Variants in PTPRZ1 observed in about 807,000 individuals in gnomAD.
PTPRZ1 encodes the protein protein tyrosine phosphatase receptor type Z1, also known as receptor-type tyrosine-protein phosphatase zeta.
A neutral mutation model predicts 214.1 loss-of-function variants in PTPRZ1; 82 were observed. The observed-to-expected ratio is 0.38, with a 90% CI of 0.32 to 0.46. The LOEUF (loss-of-function observed/expected upper bound fraction) is 0.46. PTPRZ1 is among the 20% of genes least tolerant of loss of function. The pLI is 1.00. For synonymous variants in PTPRZ1, 945 were observed against 987.9 expected (o/e 0.96, Z 0.81); for missense variants, 2,603 against 2,748.7 (o/e 0.95, Z 1.19).
At chr7:121,992,607 G>GT (rs546084891) in intron 8 of PTPRZ1, among the ~76,000 whole-genome samples, 15 of 152,120 alleles carry the variant, frequency 9.9e-5, no homozygotes, top group Non-Finnish European at 1.9e-4. Flanking sequence ...TTTTTCATAA[G>GT]TTTTTTATAC....
intron 28 of PTPRZ1, 116 bp from the exon 29 acceptor site, chr7:122,059,637 T>G (rs1390219875): frequency 8.5e-7 from 1 of 1,169,702 alleles, no homozygotes; most frequent in African/African-American, 1.5e-5. Context: ...GACAATTCAT[T>G]AAAAGTTTCA....
At chr7:122,059,940 T>G in intron 29 of PTPRZ1, 52 bp downstream of exon 29, 1 of 1,546,900 alleles carries the variant, frequency 6.5e-7, no homozygotes, top group South Asian at 1.2e-5. Context: ...TACAACTAAC[T>G]TCCTAGAGGC....
intron 2 of PTPRZ1, among the ~76,000 whole-genome samples, chr7:121,962,815 C>T (rs1297768426): frequency 3.3e-5 from 5 of 151,908 alleles, no homozygotes; most frequent in Admixed American, 2.0e-4. Context: ...CCGCCCACCT[C>T]GGCCTCCCAA....
In PTPRZ1 at chr7:121,968,147, C is replaced by A. The variant is rs775193725; in HGVS notation, c.304+17C>A. The A allele has an allele frequency of 6.3e-7, 1 of 1,575,714 alleles. No homozygotes were observed. The highest frequency in any genetic ancestry group is 8.6e-7 in the Non-Finnish European group (1 of 1,161,828). ...GGAAAACAGGTAAAATATTTGCATT[C>A]TGTTTGCCTTTAATATATTTTTCAG... is the stretch of plus-strand genomic sequence containing the variant. On this transcript the variant is annotated intron_variant, in intron 3 of 29. Coordinates refer to ENST00000393386, the MANE Select transcript of PTPRZ1 (RefSeq NM_002851.3).
chr7:121,972,519 G>A (rs1480725682), intron 3 of PTPRZ1, 22 bp from the exon 4 acceptor site: 4 of 1,582,284 alleles, frequency 2.5e-6, no homozygotes, highest in Non-Finnish European at 3.4e-6. Flanking sequence ...AAGCTTAGGT[G>A]CAATTGTATT....
intron 10 of PTPRZ1, among the ~76,000 whole-genome samples, chr7:122,002,253 T>G (rs1468811156): frequency 6.6e-6 from 1 of 152,212 alleles, no homozygotes; most frequent in Non-Finnish European, 1.5e-5. Flanking sequence ...TCAGTTCAAA[T>G]GATCTCAGTC....
chr7:121,997,371 T>C (rs1798174827), intron 9 of PTPRZ1, among the ~76,000 whole-genome samples: 1 of 152,190 alleles, frequency 6.6e-6, no homozygotes. Flanking sequence ...ACCTTTTAAT[T>C]CAGTTGCCTG....
At chr7:121,884,865 A>T (rs1794351756) in intron 1 of PTPRZ1, among the ~76,000 whole-genome samples, 1 of 152,180 alleles carries the variant, frequency 6.6e-6, no homozygotes, top group Non-Finnish European at 1.5e-5. Context: ...TCATTTTTTT[A>T]AAAAAGTCTC....
chr7:122,046,880 A>C (rs1792004598), intron 23 of PTPRZ1, among the ~76,000 whole-genome samples: 1 of 152,200 alleles, frequency 6.6e-6, no homozygotes, highest in African/African-American at 2.4e-5. Context: ...TGGTTCCTTG[A>C]AGCCTCGGAA....
At chr7:122,053,774 A>G (rs925030327) in intron 25 of PTPRZ1, 136 bp from the exon 26 acceptor site, 2 of 1,069,300 alleles carry the variant, frequency 1.9e-6, no homozygotes, top group African/African-American at 3.2e-5. Flanking sequence ...GGCTATAATA[A>G]TCATATTACT....
intron 1 of PTPRZ1, among the ~76,000 whole-genome samples, chr7:121,897,418 T>C (rs933874590): frequency 1.3e-5 from 2 of 152,332 alleles, no homozygotes; most frequent in Admixed American, 6.5e-5. Flanking sequence ...ATCTCAAGTT[T>C]TTTACATTGA....
At position 122,059,857 on chromosome 7, in the gene PTPRZ1, A is replaced by G; in HGVS notation, c.6776A>G (p.Asn2259Ser). Residue 2259 changes from asparagine (N) to serine (S), a missense_variant, in exon 29 of 30, where the codon AAT (asparagine) becomes AGT (serine). Transcript: ENST00000393386. ...VDVYQVAKMI[N>S]LMRPGVFADI... ...GTTTACCAGGTAGCCAAGATGATCAATCTGATGAGGCCAGGAGTCTTTGCT... is the reference window on the plus strand; with the variant it reads ...GTTTACCAGGTAGCCAAGATGATCAGTCTGATGAGGCCAGGAGTCTTTGCT... The G allele has an allele frequency of 1.2e-6, 2 of 1,613,764 alleles. No individual in the cohort carries two copies. Among genetic ancestry groups the G allele is most frequent in the South Asian group, 1.1e-5 (1 of 91,068 alleles).
At chr7:121,915,961 C>G (rs183821380) in intron 1 of PTPRZ1, among the ~76,000 whole-genome samples, 1 of 152,220 alleles carries the variant, frequency 6.6e-6, no homozygotes, top group African/African-American at 2.4e-5. Context: ...TGCAATAATG[C>G]TACCTGTGGT....
rs1053609203 is a variant in PTPRZ1, at chr7:121,952,284, GT to G, written c.125-15659del. Among the ~76,000 whole-genome samples the G allele has an allele frequency of 3.3e-5, 5 of 151,704 alleles. No individual in the cohort carries two copies. The East Asian group carries it at 7.7e-4, about 23-fold the overall frequency. The stretch of plus-strand genomic sequence containing the variant: ...GTGTTTTTTTTTTTGTTTGTTTTTG[GT>G]TTTTTTTAGCATAATAAAGACTTGA... On this transcript the variant is annotated intron_variant, in intron 2 of 29. Coordinates refer to ENST00000393386, the MANE Select transcript of PTPRZ1 (RefSeq NM_002851.3).
intron 2 of PTPRZ1, among the ~76,000 whole-genome samples, chr7:121,966,016 G>C (rs1164015376): frequency 2.1e-4 from 32 of 152,152 alleles, no homozygotes. Context: ...ACTTGGGTTA[G>C]GGTGGTAATA....
intron 8 of PTPRZ1, among the ~76,000 whole-genome samples, chr7:121,988,276 T>C (rs1411899213): frequency 6.6e-6 from 1 of 152,232 alleles, no homozygotes; most frequent in African/African-American, 2.4e-5. Context: ...ACTTTTTTTT[T>C]CTGGTTACAT....
chr7:122,021,322 A>T (rs915788195), intron 13 of PTPRZ1, among the ~76,000 whole-genome samples: 6 of 152,172 alleles, frequency 3.9e-5, no homozygotes, highest in Non-Finnish European at 8.8e-5. Context: ...TATATGGGGA[A>T]AAGATAAAAT....
intron 1 of PTPRZ1, among the ~76,000 whole-genome samples, chr7:121,906,669 T>TTA (rs1329121627): frequency 6.6e-6 from 1 of 152,128 alleles, no homozygotes; most frequent in African/African-American, 2.4e-5. Flanking sequence ...AATTTCAAGG[T>TTA]TATGTCTTGG....
chr7:122,060,769 A>G (rs1267835194), intron 29 of PTPRZ1, among the ~76,000 whole-genome samples: 1 of 152,186 alleles, frequency 6.6e-6, no homozygotes, highest in Non-Finnish European at 1.5e-5. Flanking sequence ...CCAGTGCCAA[A>G]CGGTTTCGCC....
Sources: gnomAD v4.1 joint callset for allele counts (sites outside exome capture counted in the v4.1 genomes callset) on GRCh38, gnomAD v4.1.1 for gene constraint, MANE v1.5 for transcripts, NCBI Gene and HGNC (gene_info 2026-07-23, HGNC 2026-07-21) for gene names.